Variants in BRCA1 observed in about 807,000 individuals in gnomAD.
BRCA1 encodes the protein breast cancer type 1 susceptibility protein.
A neutral mutation model predicts 173.7 loss-of-function variants in BRCA1; 140 were observed. The observed-to-expected ratio is 0.81, with a 90% CI of 0.70 to 0.93. The LOEUF is 0.93. BRCA1 is among the 40% of genes least tolerant of loss of function. The probability of loss-of-function intolerance (pLI) is 0.00; values close to 1 mark genes in which losing one functional copy is unlikely to be tolerated. For synonymous variants in BRCA1, 662 were observed against 756.0 expected, an observed-to-expected ratio of 0.88 and a Z score of 2.04; for missense variants, 1,983 against 2,172.5, an observed-to-expected ratio of 0.91 and a Z score of 1.73.
At chr17:43,050,237 G>T (rs751076235) in intron 20 of BRCA1, 3 of 396,908 alleles carry the variant, frequency 7.6e-6, no homozygotes, top group Non-Finnish European at 1.3e-5. Flanking sequence ...AGGCCTTTGT[G>T]CTGCGCAACT....
intron 1 of BRCA1, chr17:43,159,339 G>A (rs145933332): frequency 0.035 from 5,656 of 159,792 alleles, 346 homozygotes; most frequent in African/African-American, 0.13. Context: ...ACCTCCCTCC[G>A]GGACGGGGCG....
In BRCA1 at chr17:43,045,748, C is replaced by G. The variant is rs80357368; in HGVS notation, c.5522G>C (p.Ser1841Thr). Residue 1841 changes from serine (S) to threonine (T), a missense_variant, in exon 23 of 23, where the codon AGT becomes ACT. Ser to Thr is a moderately conservative substitution (Grantham distance 58). Coordinates refer to ENST00000357654, the MANE Select transcript of BRCA1 (RefSeq NM_007294.4). Reference protein sequence around the residue: ...PVVTREWVLDSVALYQCQELD... With the variant: ...PVVTREWVLDTVALYQCQELD... Reference sequence around the variant, plus strand: ...CTCCTGGCACTGGTAGAGTGCTACACTGTCCAACACCCACTCTCGGGTCAC... The same window carrying G: ...CTCCTGGCACTGGTAGAGTGCTACAGTGTCCAACACCCACTCTCGGGTCAC... 1 of 1,614,094 alleles carries G rather than the reference C, an allele frequency of 6.2e-7. No individual in the cohort carries two copies. The highest frequency in any genetic ancestry group is 8.5e-7 in the Non-Finnish European group (1 of 1,180,014).
At position 43,093,201 on chromosome 17, in the gene BRCA1, T is replaced by A; in HGVS notation, c.2330A>T (p.Tyr777Phe). The change falls in exon 10 of 23, where the codon TAT becomes TTT. Residue 777 changes from tyrosine (Y) to phenylalanine (F), a missense_variant. Tyr to Phe is a conservative substitution (Grantham distance 22). Transcript: ENST00000357654. ...SSISLVPGTD[Y>F]GTQESISLLE... is the part of the protein sequence containing the mutation. ...TAACGAGATACTTTCCTGAGTGCCA[T>A]AATCAGTACCAGGTACCAATGAAAT... The A allele has an allele frequency of 3.7e-6, 6 of 1,613,932 alleles. No homozygotes were observed. The highest frequency in any genetic ancestry group is 5.1e-6 in the Non-Finnish European group (6 of 1,179,986).
intron 1 of BRCA1, among the ~76,000 whole-genome samples, chr17:43,137,052 C>T (rs2056030622): frequency 6.6e-6 from 1 of 152,036 alleles, no homozygotes; most frequent in Non-Finnish European, 1.5e-5. Flanking sequence ...CAATGATAGA[C>T]TGGATTAAGA....
Position 43,045,524 on chromosome 17 carries a change from G to T in BRCA1, c.*154C>A. The T allele has an allele frequency of 8.2e-7, 1 of 1,216,456 alleles. No individual in the cohort carries two copies. The highest frequency in any genetic ancestry group is 1.2e-6 in the Non-Finnish European group (1 of 844,492). The allele number at this position is 1,216,456 out of a possible 1,614,324, so 75.4% of individuals were successfully genotyped here. ...AAAATCTTTAAGGGACCCTTGCATAGCCAGAAGTCCTTTTCAGGCTGATGT... is the reference window on the plus strand; with the variant it reads ...AAAATCTTTAAGGGACCCTTGCATATCCAGAAGTCCTTTTCAGGCTGATGT... On this transcript the variant is annotated 3_prime_UTR_variant, in exon 23 of 23. Coordinates refer to ENST00000357654, the MANE Select transcript of BRCA1 (RefSeq NM_007294.4).
At chr17:43,069,210 T>C (rs1275103084) in intron 15 of BRCA1, among the ~76,000 whole-genome samples, 1 of 152,248 alleles carries the variant, frequency 6.6e-6, no homozygotes, top group Non-Finnish European at 1.5e-5. Flanking sequence ...AATTCTGAAC[T>C]GATTAATTGC....
At chr17:43,047,957 A>G (rs533777889) in intron 21 of BRCA1, among the ~76,000 whole-genome samples, 1 of 152,234 alleles carries the variant, frequency 6.6e-6, no homozygotes, top group Admixed American at 6.5e-5. Context: ...TATTTTTGGT[A>G]GAGACAGGGT....
chr17:43,167,737 G>A (rs12451738), intron 1 of BRCA1: 2,488 of 152,592 alleles, frequency 0.016, 32 homozygotes, highest in Middle Eastern at 0.024. Context: ...TCCTGACCTC[G>A]TGATCTGCCT....
intron 16 of BRCA1, among the ~76,000 whole-genome samples, chr17:43,066,285 T>G (rs369198398): frequency 6.6e-6 from 1 of 152,156 alleles, no homozygotes; most frequent in African/African-American, 2.4e-5. Flanking sequence ...TCTCCTCCCT[T>G]TTTTGCTTTT....
intron 3 of BRCA1, among the ~76,000 whole-genome samples, chr17:43,112,335 C>G (rs921623093): frequency 1.2e-4 from 18 of 152,278 alleles, no homozygotes; most frequent in Non-Finnish European, 1.5e-5. Context: ...ATCCGCCCAC[C>G]TCAGCCTCCC....
chr17:43,091,385 C>T (rs779599663), intron 10 of BRCA1, 50 bp downstream of exon 10: 7 of 1,605,548 alleles, frequency 4.4e-6, no homozygotes, highest in Admixed American at 1.7e-5. Flanking sequence ...AAACATTTAG[C>T]TCACTTCTAT....
At chr17:43,074,929 GGAAAGGAAA>G (rs920044459) in intron 13 of BRCA1, among the ~76,000 whole-genome samples, 4 of 137,832 alleles carry the variant, frequency 2.9e-5, no homozygotes, top group East Asian at 2.1e-4. Context: ...AAGAAAGAAA[GGAAAGGAAA>G]GAAAGGAAAG....
At chr17:43,158,866 G>A (rs1013744138) in intron 1 of BRCA1, among the ~76,000 whole-genome samples, 1 of 152,196 alleles carries the variant, frequency 6.6e-6, no homozygotes, top group African/African-American at 2.4e-5. Context: ...AGGAATGGAG[G>A]ATAAAGTGTG....
At position 43,093,653 on chromosome 17, in the gene BRCA1, T is replaced by C. The variant is rs8176154; in HGVS notation, c.1878A>G (p.Val626=). Residue 626 remains valine, a synonymous_variant, in exon 10 of 23, where the codon GTA becomes GTG. Transcript: ENST00000357654. ...TAGGTGGGCTTAGATTTCTACTGACTACTAGTTCAAGCGCATGAATATGCC... is the reference window on the plus strand; with the variant it reads ...TAGGTGGGCTTAGATTTCTACTGACCACTAGTTCAAGCGCATGAATATGCC... ...STRHIHALEL[V]VSRNLSPPNC... The C allele has an allele frequency of 2.6e-5, 42 of 1,614,016 alleles. No homozygotes were observed. Among genetic ancestry groups the C allele is most frequent in the South Asian group, 1.5e-4 (14 of 91,086 alleles).
At chr17:43,080,737 G>A (rs1043079659) in intron 12 of BRCA1, among the ~76,000 whole-genome samples, 1 of 151,884 alleles carries the variant, frequency 6.6e-6, no homozygotes, top group Non-Finnish European at 1.5e-5. Context: ...TGAGGAGGTC[G>A]AGAGGCTGCA....
intron 16 of BRCA1, among the ~76,000 whole-genome samples, chr17:43,065,429 G>A (rs1464515013): frequency 3.9e-5 from 6 of 152,162 alleles, no homozygotes; most frequent in Admixed American, 1.3e-4. Flanking sequence ...AGCACTTTGG[G>A]AGGCCGAGGT....
intron 19 of BRCA1, among the ~76,000 whole-genome samples, chr17:43,052,504 G>A (rs1383713440): frequency 6.6e-6 from 1 of 152,092 alleles, no homozygotes; most frequent in Non-Finnish European, 1.5e-5. Context: ...GTGTGGGACA[G>A]TGCAAATTCT....
chr17:43,093,236 C>T lies in BRCA1; in HGVS notation c.2295G>A (p.Glu765=), dbSNP rs201875054. ...ERVLQTERSV[E]SSSISLVPGT... is the part of the protein sequence containing the mutation. ...CAGGTACCAATGAAATACTGCTACTCTCTACAGATCTTTCAGTTTGCAAAA... is the reference window on the plus strand; with the variant it reads ...CAGGTACCAATGAAATACTGCTACTTTCTACAGATCTTTCAGTTTGCAAAA... Residue 765 remains glutamate (E), a synonymous_variant, in exon 10 of 23, where the codon GAG becomes GAA. Coordinates refer to ENST00000357654, the MANE Select transcript of BRCA1 (RefSeq NM_007294.4). 3.1e-6 allele frequency: 5 copies of T among 1,614,076 alleles called. No individual in the cohort carries two copies. The highest frequency in any genetic ancestry group is 4.5e-5 in the East Asian group (2 of 44,880).
At chr17:43,128,953 C>T (rs1462499284), upstream of BRCA1, among the ~76,000 whole-genome samples, 3 of 152,094 alleles carry the variant, frequency 2.0e-5, no homozygotes, top group Non-Finnish European at 2.9e-5. Context: ...CCACCACTCC[C>T]GGCCTCAGCT....
Sources: allele counts gnomAD v4.1 joint callset (sites outside exome capture counted in the v4.1 genomes callset), GRCh38; gene constraint gnomAD v4.1.1; transcripts MANE v1.5; gene names NCBI Gene and HGNC (gene_info 2026-07-23, HGNC 2026-07-21).